Variants in AFF3 observed in about 807,000 individuals in gnomAD.
The protein encoded by AFF3 is AF4/FMR2 family member 3.
A neutral mutation model predicts 129.7 loss-of-function variants in AFF3; 32 were observed. That is an observed-to-expected ratio of 0.25 (90% confidence interval 0.19 to 0.33). The LOEUF is 0.33. AFF3 is among the 10% of genes least tolerant of loss of function. The pLI is 1.00. For synonymous variants in AFF3, 644 were observed against 635.4 expected (o/e 1.01, Z -0.20); for missense variants, 1,373 against 1,592.0 (o/e 0.86, Z 2.34).
intron 7 of AFF3, among the ~76,000 whole-genome samples, chr2:99,851,606 C>A (rs1690147209): frequency 6.6e-6 from 1 of 152,122 alleles, no homozygotes; most frequent in African/African-American, 2.4e-5. Context: ...CTTTTTAGAT[C>A]CTTTTGTAAT....
intron 8 of AFF3, among the ~76,000 whole-genome samples, chr2:99,789,104 A>G (rs1348854427): frequency 6.6e-6 from 1 of 152,224 alleles, no homozygotes; most frequent in East Asian, 1.9e-4. Flanking sequence ...GCATGACTGC[A>G]TATGAAATGC....
At chr2:99,597,206 C>T (rs1679374851) in intron 14 of AFF3, among the ~76,000 whole-genome samples, 1 of 152,220 alleles carries the variant, frequency 6.6e-6, no homozygotes, top group East Asian at 1.9e-4. Flanking sequence ...GGCTGCATCA[C>T]TGTGTCTCCC....
intron 7 of AFF3, among the ~76,000 whole-genome samples, chr2:99,958,872 G>C (rs1676931207): frequency 6.6e-6 from 1 of 151,994 alleles, no homozygotes; most frequent in South Asian, 2.1e-4. Flanking sequence ...CAGCACTTTG[G>C]GAGGTTGAGG....
At chr2:100,061,565 C>T (rs751871614) in intron 4 of AFF3, among the ~76,000 whole-genome samples, 1 of 152,048 alleles carries the variant, frequency 6.6e-6, no homozygotes, top group Admixed American at 6.6e-5. Flanking sequence ...AAAAACTATC[C>T]CATGATGGAG....
At chr2:99,583,039 A>G (rs1286710164) in intron 16 of AFF3, 40 bp from the exon 17 acceptor site, 1 of 1,587,474 alleles carries the variant, frequency 6.3e-7, no homozygotes, top group African/African-American at 1.3e-5. Flanking sequence ...TTACAGAGTC[A>G]GCACAGGGAA....
At chr2:100,056,386 C>T (rs183359439) in intron 4 of AFF3, among the ~76,000 whole-genome samples, 64 of 152,280 alleles carry the variant, frequency 4.2e-4, no homozygotes, top group African/African-American at 1.4e-3. Flanking sequence ...CAGAAACTGA[C>T]TTAAGCTCAC....
chr2:99,646,271 G>C (rs1359015930), intron 13 of AFF3, among the ~76,000 whole-genome samples: 1 of 152,182 alleles, frequency 6.6e-6, no homozygotes, highest in Non-Finnish European at 1.5e-5. Flanking sequence ...CAAACTTATA[G>C]GACACTGAGG....
intron 7 of AFF3, among the ~76,000 whole-genome samples, chr2:99,934,807 G>C (rs1348964368): frequency 3.3e-5 from 5 of 152,154 alleles, no homozygotes; most frequent in African/African-American, 1.2e-4. Flanking sequence ...GGTCCTTCTG[G>C]ATCTTCCCAA....
At chr2:99,627,691 T>A (rs189263897) in intron 13 of AFF3, among the ~76,000 whole-genome samples, 9 of 152,356 alleles carry the variant, frequency 5.9e-5, no homozygotes, top group Admixed American at 2.0e-4. Flanking sequence ...TTCCAGGGTT[T>A]TTATAGTTTT....
chr2:99,821,904 G>A (rs116040282), intron 8 of AFF3, among the ~76,000 whole-genome samples: 1 of 152,138 alleles, frequency 6.6e-6, no homozygotes, highest in Non-Finnish European at 1.5e-5. Flanking sequence ...TCTCACCAAT[G>A]AAGAAACAAA....
chr2:99,838,602 C>T (rs1485418410), intron 7 of AFF3, among the ~76,000 whole-genome samples: 4 of 152,292 alleles, frequency 2.6e-5, no homozygotes, highest in East Asian at 1.9e-4. Context: ...CTCACCACGA[C>T]GGCAATTCAA....
intron 7 of AFF3, among the ~76,000 whole-genome samples, chr2:99,954,578 T>C (rs1676453234): frequency 6.6e-6 from 1 of 151,840 alleles, no homozygotes; most frequent in African/African-American, 2.4e-5. Context: ...TGGAATACTA[T>C]GCAGCCATAA....
intron 16 of AFF3, among the ~76,000 whole-genome samples, chr2:99,583,839 A>T (rs1677823918): frequency 6.6e-6 from 1 of 151,868 alleles, no homozygotes; most frequent in South Asian, 2.1e-4. Flanking sequence ...AGTAGCTGGG[A>T]TTACAGGTGC....
At chr2:99,944,474 A>G (rs936464863) in intron 7 of AFF3, among the ~76,000 whole-genome samples, 1 of 152,228 alleles carries the variant, frequency 6.6e-6, no homozygotes, top group Non-Finnish European at 1.5e-5. Context: ...ACTTCTTCAG[A>G]AACACAGAGG....
chr2:99,939,208 C>T (rs1179619801), intron 7 of AFF3, among the ~76,000 whole-genome samples: 1 of 152,216 alleles, frequency 6.6e-6, no homozygotes, highest in African/African-American at 2.4e-5. Context: ...ACTTTTTCTG[C>T]GTGGCCCTGG....
intron 12 of AFF3, among the ~76,000 whole-genome samples, chr2:99,658,135 AGG>A (rs1274353023): frequency 1.3e-5 from 2 of 152,228 alleles, no homozygotes; most frequent in African/African-American, 4.8e-5. Context: ...AAGAAGAGAA[AGG>A]TGTGAGGACA....
intron 7 of AFF3, among the ~76,000 whole-genome samples, chr2:99,980,075 G>T (rs1436718992): frequency 6.6e-6 from 1 of 151,986 alleles, no homozygotes; most frequent in Non-Finnish European, 1.5e-5. Context: ...TCATAACAAT[G>T]TCCTTGGGTT....
At chr2:99,927,394 G>A (rs1453652405) in intron 7 of AFF3, among the ~76,000 whole-genome samples, 1 of 152,182 alleles carries the variant, frequency 6.6e-6, no homozygotes, top group African/African-American at 2.4e-5. Flanking sequence ...ATACTATGCA[G>A]CTACAAAAAA....
chr2:99,599,345 G>T (rs1303824643), intron 14 of AFF3, among the ~76,000 whole-genome samples: 3 of 152,120 alleles, frequency 2.0e-5, no homozygotes, highest in African/African-American at 7.2e-5. Context: ...TGCAACCTCC[G>T]CCTCCAGGGT....
Sources: allele counts gnomAD v4.1 joint callset (sites outside exome capture counted in the v4.1 genomes callset), GRCh38; gene constraint gnomAD v4.1.1; transcripts MANE v1.5; gene names NCBI Gene and HGNC (gene_info 2026-07-23, HGNC 2026-07-21).